The following NUDCD3 variants were observed in gnomAD, a reference collection of about 807,000 sequenced individuals.
The protein encoded by NUDCD3 is nudC domain-containing protein 3.
Under a neutral mutation model 39.7 loss-of-function variants are expected in NUDCD3, and 13 were observed. That is an observed-to-expected ratio of 0.33 (90% CI 0.21 to 0.52). The LOEUF (loss-of-function observed/expected upper bound fraction) is 0.52. NUDCD3 is among the 20% of genes least tolerant of loss of function. The pLI is 0.96. For missense variants in NUDCD3, 453 were observed against 458.1 expected (o/e 0.99, Z 0.10); for synonymous variants, 175 against 172.4 (o/e 1.02, Z -0.12).
intron 2 of NUDCD3, among the ~76,000 whole-genome samples, chr7:44,437,741 T>C (rs1799493804): frequency 1.3e-5 from 2 of 152,238 alleles, no homozygotes; most frequent in Admixed American, 1.3e-4. Flanking sequence ...TGATTCTATA[T>C]TTACTGAAAA....
chr7:44,442,472 C>A (rs774568620), intron 2 of NUDCD3, among the ~76,000 whole-genome samples: 3 of 152,132 alleles, frequency 2.0e-5, no homozygotes, highest in Non-Finnish European at 4.4e-5. Flanking sequence ...GGAGAGTATG[C>A]ACCTGGGGGA....
intron 2 of NUDCD3, among the ~76,000 whole-genome samples, chr7:44,439,308 C>T (rs770357201): frequency 2.6e-5 from 4 of 152,136 alleles, no homozygotes; most frequent in African/African-American, 4.8e-5. Flanking sequence ...CAGGTGACAG[C>T]TCATGTTTAG....
intron 2 of NUDCD3, among the ~76,000 whole-genome samples, chr7:44,445,728 G>A (rs1799679568): frequency 6.6e-6 from 1 of 152,182 alleles, no homozygotes; most frequent in Non-Finnish European, 1.5e-5. Context: ...AATCCGTTAC[G>A]ACAACTTTCA....
intron 2 of NUDCD3, among the ~76,000 whole-genome samples, chr7:44,465,380 C>T (rs1008805073): frequency 4.6e-5 from 7 of 152,068 alleles, no homozygotes; most frequent in African/African-American, 1.4e-4. Context: ...TCTGAACAGC[C>T]GTTAGAGAAC....
At chr7:44,397,363 C>G (rs1220686027) in intron 4 of NUDCD3, among the ~76,000 whole-genome samples, 1 of 152,096 alleles carries the variant, frequency 6.6e-6, no homozygotes, top group African/African-American at 2.4e-5. Context: ...GGTAAGTAGC[C>G]AGGAATGCGT....
chr7:44,462,981 GTGTGTGTGTA>G (rs1392650471), intron 2 of NUDCD3, among the ~76,000 whole-genome samples: 82 of 147,876 alleles, frequency 5.5e-4, no homozygotes, highest in African/African-American at 2.0e-3. Flanking sequence ...GTGTGTGTGT[GTGTGTGTGTA>G]TACACAAAGA....
chr7:44,389,374 C>T (rs958985467), intron 5 of NUDCD3, among the ~76,000 whole-genome samples: 3 of 152,192 alleles, frequency 2.0e-5, no homozygotes, highest in Non-Finnish European at 2.9e-5. Flanking sequence ...GGCTTGGCAA[C>T]AAGCCATCAA....
At chr7:44,454,004 T>C (rs561795170) in intron 2 of NUDCD3, among the ~76,000 whole-genome samples, 277 of 151,852 alleles carry the variant, frequency 1.8e-3, no homozygotes, top group African/African-American at 4.1e-3. Flanking sequence ...GGTTGTGCCA[T>C]TGCGCTCCAA....
intron 2 of NUDCD3, among the ~76,000 whole-genome samples, chr7:44,463,838 A>G (rs1800065487): frequency 6.6e-6 from 1 of 152,184 alleles, no homozygotes; most frequent in Non-Finnish European, 1.5e-5. Flanking sequence ...AAATCAACGG[A>G]CATTTTCAAA....
intron 2 of NUDCD3, among the ~76,000 whole-genome samples, chr7:44,480,624 A>T (rs953186724): frequency 6.6e-6 from 1 of 152,114 alleles, no homozygotes; most frequent in Non-Finnish European, 1.5e-5. Flanking sequence ...TATTTACCAA[A>T]ATATTTGCTG....
intron 3 of NUDCD3, among the ~76,000 whole-genome samples, chr7:44,425,222 A>C (rs1799211451): frequency 6.6e-6 from 1 of 152,206 alleles, no homozygotes; most frequent in African/African-American, 2.4e-5. Context: ...TGACGGGTTG[A>C]TAGGCACAGC....
chr7:44,485,767 C>G (rs1211949975), intron 1 of NUDCD3: 4 of 155,508 alleles, frequency 2.6e-5, no homozygotes, highest in African/African-American at 7.2e-5. Context: ...CAACAAACAT[C>G]TACTATGCGC....
chr7:44,487,198 C>A (rs1800629009), intron 1 of NUDCD3, among the ~76,000 whole-genome samples: 1 of 152,204 alleles, frequency 6.6e-6, no homozygotes, highest in Admixed American at 6.5e-5. Context: ...TCACATACAT[C>A]ATTCCTGCTG....
At chr7:44,444,599 A>G (rs185877509) in intron 2 of NUDCD3, among the ~76,000 whole-genome samples, 33 of 152,328 alleles carry the variant, frequency 2.2e-4, no homozygotes, top group African/African-American at 7.7e-4. Context: ...TCCTCTACAA[A>G]TTGAATACTT....
chr7:44,431,007 A>C (rs574432504), intron 2 of NUDCD3, among the ~76,000 whole-genome samples: 1 of 152,340 alleles, frequency 6.6e-6, no homozygotes, highest in African/African-American at 2.4e-5. Context: ...CCTCCAAAGG[A>C]AGCAGGAGAA....
Position 44,456,048 on chromosome 7 carries a change from A to C in NUDCD3, c.510-28345T>G, listed in dbSNP as rs1407475156. On this transcript the variant is annotated intron_variant, in intron 2 of 5. Coordinates refer to ENST00000355451, the MANE Select transcript of NUDCD3 (RefSeq NM_015332.4). ...CTCAAAAAAAAAAAAAAAAAAAAAA[A>C]AACAAAAAAACAAACAACAATAACA... Among the ~76,000 whole-genome samples the C allele has an allele frequency of 2.3e-4, 31 of 134,550 alleles. 1 individual carries two copies. Among genetic ancestry groups the C allele is most frequent in the Admixed American group, 4.3e-4 (6 of 13,954 alleles). The allele number at this position is 134,550 out of a possible 152,430, so 88.3% of individuals were successfully genotyped here.
Position 44,439,490 on chromosome 7 carries a change from C to A in NUDCD3, c.510-11787G>T, listed in dbSNP as rs181017274. Reference sequence around the variant, plus strand: ...ATACCATTCAATAAAGGGAATTGGGCTCCCTGGACAATTCCTTTGGACAAT... The same window carrying A: ...ATACCATTCAATAAAGGGAATTGGGATCCCTGGACAATTCCTTTGGACAAT... On this transcript the variant is annotated intron_variant, in intron 2 of 5. Transcript: ENST00000355451. Among the ~76,000 whole-genome samples, 372 of 151,982 alleles carry A rather than the reference C, an allele frequency of 2.4e-3. 1 individual carries two copies. Among genetic ancestry groups the A allele is most frequent in the Non-Finnish European group, 4.4e-3 (296 of 67,962 alleles).
At chr7:44,390,351 G>A (rs530513701) in intron 5 of NUDCD3, among the ~76,000 whole-genome samples, 5 of 152,120 alleles carry the variant, frequency 3.3e-5, no homozygotes, top group Admixed American at 6.5e-5. Context: ...GTGACAGAGC[G>A]AGGCTCTGTC....
intron 4 of NUDCD3, among the ~76,000 whole-genome samples, chr7:44,397,386 G>C (rs769937791): frequency 6.6e-6 from 1 of 152,138 alleles, no homozygotes; most frequent in African/African-American, 2.4e-5. Context: ...GTTGGGTCAC[G>C]TGATGTCAGC....
Sources: gnomAD v4.1 joint callset for allele counts (sites outside exome capture counted in the v4.1 genomes callset) on GRCh38, gnomAD v4.1.1 for gene constraint, MANE v1.5 for transcripts, NCBI Gene and HGNC (gene_info 2026-07-23, HGNC 2026-07-21) for gene names.